Variants in CMSS1 observed in about 807,000 individuals in gnomAD.
CMSS1 encodes the protein protein CMSS1.
CMSS1 carries 33 observed loss-of-function variants against 43.5 expected under a neutral mutation model. That is an observed-to-expected ratio of 0.76 (90% CI 0.57 to 1.01). CMSS1 has a LOEUF of 1.01. Ranked by LOEUF, CMSS1 falls within the 50% of genes least tolerant of loss-of-function variation. The pLI is 0.00. For missense variants in CMSS1, 313 were observed against 326.4 expected, an observed-to-expected ratio of 0.96 and a Z score of 0.32; for synonymous variants, 115 against 117.2, an observed-to-expected ratio of 0.98 and a Z score of 0.12.
intron 1 of CMSS1, among the ~76,000 whole-genome samples, chr3:99,966,789 CA>C (rs1453396297): frequency 6.6e-6 from 1 of 152,162 alleles, no homozygotes; most frequent in African/African-American, 2.4e-5. Context: ...GCCACGTATA[CA>C]AGACGTAACT....
At chr3:99,851,942 A>C (rs1943718036) in intron 1 of CMSS1, among the ~76,000 whole-genome samples, 1 of 152,184 alleles carries the variant, frequency 6.6e-6, no homozygotes, top group Non-Finnish European at 1.5e-5. Context: ...TTTGGTAGGA[A>C]AGTGCTTATT....
intron 1 of CMSS1, among the ~76,000 whole-genome samples, chr3:100,007,684 T>G (rs1346073422): frequency 6.6e-6 from 1 of 152,186 alleles, no homozygotes; most frequent in Non-Finnish European, 1.5e-5. Context: ...ACCAAAAAAG[T>G]GTGTCACTGA....
intron 1 of CMSS1, among the ~76,000 whole-genome samples, chr3:100,046,180 A>T (rs566957170): frequency 1.3e-5 from 2 of 152,114 alleles, no homozygotes; most frequent in Non-Finnish European, 2.9e-5. Context: ...GGCACTGATA[A>T]CTCTATGAAT....
At chr3:100,139,528 AATGTGTGTG>A (rs2066784798) in intron 1 of CMSS1, among the ~76,000 whole-genome samples, 1 of 111,016 alleles carries the variant, frequency 9.0e-6, no homozygotes, top group Admixed American at 9.0e-5. Flanking sequence ...CTAAAAAAAA[AATGTGTGTG>A]TGTGTGTGTG....
intron 4 of CMSS1, among the ~76,000 whole-genome samples, chr3:100,162,725 G>A (rs2067035025): frequency 6.6e-6 from 1 of 152,226 alleles, no homozygotes; most frequent in Non-Finnish European, 1.5e-5. Context: ...TATAATCCCA[G>A]CACTCTGGGA....
At chr3:99,885,071 TC>T (rs1373890401) in intron 1 of CMSS1, among the ~76,000 whole-genome samples, 1 of 152,216 alleles carries the variant, frequency 6.6e-6, no homozygotes, top group South Asian at 2.1e-4. Flanking sequence ...CTTTCAGCAG[TC>T]AACTATAGGC....
chr3:99,904,195 T>A (rs1706535612), intron 1 of CMSS1, among the ~76,000 whole-genome samples: 1 of 152,250 alleles, frequency 6.6e-6, no homozygotes, highest in South Asian at 2.1e-4. Context: ...ATGGCTTTCA[T>A]TACAATAAAC....
chr3:100,112,250 A>G (rs2066504533), intron 1 of CMSS1, among the ~76,000 whole-genome samples: 1 of 152,218 alleles, frequency 6.6e-6, no homozygotes, highest in Admixed American at 6.5e-5. Flanking sequence ...AGCGGGTATT[A>G]CATTGGTAAT....
chr3:100,136,809 A>C (rs909758724), intron 1 of CMSS1, among the ~76,000 whole-genome samples: 1 of 152,214 alleles, frequency 6.6e-6, no homozygotes, highest in Non-Finnish European at 1.5e-5. Flanking sequence ...GGCCTAATTG[A>C]CTATAAACCC....
intron 1 of CMSS1, among the ~76,000 whole-genome samples, chr3:100,117,500 G>A (rs1254400029): frequency 1.3e-5 from 2 of 151,940 alleles, no homozygotes; most frequent in African/African-American, 4.8e-5. Context: ...AAGGAATCAT[G>A]ATTTTTAAAA....
At chr3:100,174,073 C>T (rs148565143) in intron 8 of CMSS1, among the ~76,000 whole-genome samples, 35 of 152,274 alleles carry the variant, frequency 2.3e-4, no homozygotes, top group African/African-American at 8.2e-4. Context: ...TTCGTGGGCT[C>T]TAGTAGCAGC....
chr3:99,880,578 G>A (rs1455308131), intron 1 of CMSS1, among the ~76,000 whole-genome samples: 1 of 152,096 alleles, frequency 6.6e-6, no homozygotes, highest in African/African-American at 2.4e-5. Flanking sequence ...CAGTAGTAGT[G>A]TCCATGTGAT....
chr3:99,960,099 C>T (rs62283538), intron 1 of CMSS1, among the ~76,000 whole-genome samples: 9,663 of 152,158 alleles, frequency 0.064, 366 homozygotes, highest in Middle Eastern at 0.086. Context: ...GGCTCCATCC[C>T]GACCTGGGTT....
At chr3:100,172,267 C>A in intron 7 of CMSS1, 49 bp from the exon 8 acceptor site, 2 of 1,479,888 alleles carry the variant, frequency 1.4e-6, no homozygotes, top group Non-Finnish European at 1.9e-6. Context: ...TGTAAGATAG[C>A]ACTTTCTTAA....
intron 1 of CMSS1, among the ~76,000 whole-genome samples, chr3:99,991,930 A>G (rs1051707642): frequency 6.7e-6 from 1 of 148,958 alleles, no homozygotes; most frequent in African/African-American, 2.5e-5. Context: ...ATATACACAC[A>G]TATGTATGTG....
chr3:99,971,814 T>C (rs918550754), intron 1 of CMSS1, among the ~76,000 whole-genome samples: 1 of 152,196 alleles, frequency 6.6e-6, no homozygotes, highest in Non-Finnish European at 1.5e-5. Flanking sequence ...GGTTCCTAGC[T>C]TGAATGAATG....
At chr3:99,820,166 A>G (rs1352055232) in intron 1 of CMSS1, among the ~76,000 whole-genome samples, 1 of 151,032 alleles carries the variant, frequency 6.6e-6, no homozygotes, top group Admixed American at 6.6e-5. Flanking sequence ...AGATTGCTCT[A>G]CTTCTTACAT....
intron 6 of CMSS1, among the ~76,000 whole-genome samples, chr3:100,168,499 G>C (rs112667072): frequency 6.6e-6 from 1 of 152,030 alleles, no homozygotes; most frequent in Admixed American, 6.6e-5. Context: ...CTTGAGACCA[G>C]CCTGGGCAAC....
intron 1 of CMSS1, chr3:99,830,295 G>A (rs1051267545): frequency 2.9e-6 from 1 of 346,074 alleles, no homozygotes; most frequent in African/African-American, 2.1e-5. Flanking sequence ...TCTTCATCAG[G>A]TCCACAAAGC....
Sources: gnomAD v4.1 joint callset for allele counts (sites outside exome capture counted in the v4.1 genomes callset) on GRCh38, gnomAD v4.1.1 for gene constraint, MANE v1.5 for transcripts, NCBI Gene and HGNC (gene_info 2026-07-23, HGNC 2026-07-21) for gene names.